The following ROCK2 variants were observed in gnomAD, a reference collection of about 807,000 sequenced individuals.
ROCK2 encodes rho-associated protein kinase 2.
In ROCK2, 61 loss-of-function variants were observed where a neutral mutation model predicts 195.1. The observed-to-expected ratio is 0.31, with a 90% CI of 0.25 to 0.39. The LOEUF (loss-of-function observed/expected upper bound fraction) is 0.39. Among genes scored for constraint, ROCK2 ranks in the 10% least tolerant of loss-of-function variants. ROCK2 has a pLI of 1.00. For missense variants in ROCK2, 1,109 were observed against 1,637.4 expected (o/e 0.68, Z 5.57); for synonymous variants, 504 against 545.5 (o/e 0.92, Z 1.06).
At chr2:11,317,612 A>ATATATATATATATT (rs59701503) in intron 1 of ROCK2, among the ~76,000 whole-genome samples, 8 of 19,300 alleles carry the variant, frequency 4.1e-4, no homozygotes, top group African/African-American at 1.1e-3. Context: ...ATATATATAT[A>ATATATATATATATT]TTTTTTTTTT....
intron 4 of ROCK2, among the ~76,000 whole-genome samples, chr2:11,237,774 G>A (rs1204687339): frequency 6.6e-6 from 1 of 152,174 alleles, no homozygotes; most frequent in Non-Finnish European, 1.5e-5. Context: ...CAAGAATATA[G>A]TTTGACAAAA....
chr2:11,286,489 C>A, intron 3 of ROCK2, 50 bp downstream of exon 3: 1 of 1,203,658 alleles, frequency 8.3e-7, no homozygotes, highest in Non-Finnish European at 1.2e-6. Context: ...GATAATGCTT[C>A]ACAAAACCAT....
chr2:11,345,427 G>A (rs1669275747), upstream of ROCK2, among the ~76,000 whole-genome samples: 1 of 152,196 alleles, frequency 6.6e-6, no homozygotes, highest in African/African-American at 2.4e-5. Context: ...GCTTAGATCC[G>A]CCCAGGGCGC....
intron 5 of ROCK2, among the ~76,000 whole-genome samples, chr2:11,233,157 T>A (rs1353041293): frequency 6.6e-6 from 1 of 152,152 alleles, no homozygotes; most frequent in East Asian, 1.9e-4. Context: ...CGGGCTACAG[T>A]GAGCTATGAT....
At chr2:11,184,784 T>C (rs1223515444) in intron 32 of ROCK2, 1 of 981,524 alleles carries the variant, frequency 1.0e-6, no homozygotes, top group African/African-American at 1.7e-5. Context: ...AATAGGAGGT[T>C]TGTAAATTTA....
chr2:11,339,714 A>G (rs1195358322), intron 1 of ROCK2, among the ~76,000 whole-genome samples: 4 of 152,202 alleles, frequency 2.6e-5, no homozygotes, highest in Non-Finnish European at 5.9e-5. Context: ...GACATTTTAT[A>G]AAGTTAAAAA....
At chr2:11,220,177 C>A (rs1664586284) in intron 9 of ROCK2, among the ~76,000 whole-genome samples, 1 of 152,124 alleles carries the variant, frequency 6.6e-6, no homozygotes. Flanking sequence ...GCCACCATGC[C>A]CAGCTAATTT....
chr2:11,280,326 A>G (rs558981330), intron 3 of ROCK2, among the ~76,000 whole-genome samples: 4 of 152,238 alleles, frequency 2.6e-5, no homozygotes, highest in Admixed American at 6.5e-5. Context: ...CACAGACATT[A>G]ATAAGGATAA....
intron 18 of ROCK2, 36 bp from the exon 19 acceptor site, chr2:11,208,483 CAAAT>C (rs5829297): frequency 0.47 from 593,047 of 1,274,440 alleles, 143,567 homozygotes; most frequent in Admixed American, 0.54. Context: ...CATAAATTTA[CAAAT>C]AAAAGAAGCA....
At chr2:11,203,931 C>CATTT (rs1663955507) in intron 20 of ROCK2, among the ~76,000 whole-genome samples, 1 of 152,078 alleles carries the variant, frequency 6.6e-6, no homozygotes, top group Non-Finnish European at 1.5e-5. Context: ...TGATATCTTT[C>CATTT]ATTTATATGT....
At chr2:11,226,916 A>G (rs1257544118) in intron 6 of ROCK2, among the ~76,000 whole-genome samples, 9 of 60,500 alleles carry the variant, frequency 1.5e-4, no homozygotes, top group Admixed American at 2.6e-4. Context: ...GCCTCAGAAA[A>G]AAAAAAAAAA....
chr2:11,293,003 GATT>G (rs1667408076), intron 1 of ROCK2, among the ~76,000 whole-genome samples: 1 of 152,126 alleles, frequency 6.6e-6, no homozygotes, highest in African/African-American at 2.4e-5. Context: ...TTTCTGTCAT[GATT>G]ATAAGTTTCC....
intron 17 of ROCK2, among the ~76,000 whole-genome samples, chr2:11,212,673 C>T (rs1355061400): frequency 6.6e-6 from 1 of 151,812 alleles, no homozygotes; most frequent in African/African-American, 2.4e-5. Flanking sequence ...ATGATAAAGG[C>T]TTTTTTCCAA....
intron 6 of ROCK2, among the ~76,000 whole-genome samples, chr2:11,226,914 A>G (rs1306897055): frequency 5.5e-4 from 6 of 10,972 alleles, no homozygotes; most frequent in South Asian, 9.8e-3. Context: ...CTGCCTCAGA[A>G]AAAAAAAAAA....
chr2:11,286,743 G>A (rs1667207355), intron 2 of ROCK2, 104 bp from the exon 3 acceptor site: 1 of 662,068 alleles, frequency 1.5e-6, no homozygotes, highest in South Asian at 2.5e-5. Flanking sequence ...ACAGTTTTTA[G>A]CTAAACTTGC....
In ROCK2 at chr2:11,219,012, G is replaced by A. The variant is rs189516597; in HGVS notation, c.1274C>T (p.Ser425Phe). ...YYRENLLLSD[S>F]PSCRETDSIQ... ...GGAATCAGTTTCTCTACAAGATGGA[G>A]AGTCACTTAATAATCTACATGGAAG... The change falls in exon 10 of 33, where the codon TCT (serine) becomes TTT (phenylalanine). Residue 425 changes from serine (S) to phenylalanine (F), a missense_variant. Physicochemically the swap from Ser to Phe is radical, Grantham distance 155. This residue lies in a region of ROCK2 where 542 missense variants were observed against 672.0 expected (regional missense o/e 0.81). Coordinates refer to ENST00000315872, the MANE Select transcript of ROCK2 (RefSeq NM_004850.5). 24 of 1,473,400 alleles carry A rather than the reference G, an allele frequency of 1.6e-5. 1 individual carries two copies. The highest frequency in any genetic ancestry group is 1.5e-4 in the African/African-American group (11 of 72,368). 91.3% of individuals were successfully genotyped at this position (1,473,400 alleles called of 1,614,324 possible). A position where few individuals can be genotyped will look rare whatever the true frequency, so the allele number is the denominator to read the frequency against.
Position 11,192,765 on chromosome 2 carries a change from G to A in ROCK2, c.3688-53C>T. ...ATTTCCAAACATGCTATTTTTTTAT[G>A]TAGGAACAATTCTGATAGTGTAAGT... On this transcript the variant is annotated intron_variant, in intron 30 of 32. Transcript: ENST00000315872. The surrounding 1 kb of genome is among the most constrained non-coding windows in gnomAD (Gnocchi z 5.0). 1 of 1,540,664 alleles carries A rather than the reference G, an allele frequency of 6.5e-7. No homozygotes were observed. Among genetic ancestry groups the A allele is most frequent in the Non-Finnish European group, 8.8e-7 (1 of 1,142,244 alleles).
intron 1 of ROCK2, among the ~76,000 whole-genome samples, chr2:11,309,529 A>C (rs888672285): frequency 2.8e-4 from 43 of 152,368 alleles, no homozygotes; most frequent in Middle Eastern, 3.4e-3. Context: ...ATAAAATTTG[A>C]ATTTCCAATA....
intron 4 of ROCK2, among the ~76,000 whole-genome samples, chr2:11,245,167 A>G (rs1665569683): frequency 6.6e-6 from 1 of 151,326 alleles, no homozygotes; most frequent in Admixed American, 6.6e-5. Flanking sequence ...TTCCTTATAC[A>G]TTAGCAATGA....
Sources: allele counts gnomAD v4.1 joint callset (sites outside exome capture counted in the v4.1 genomes callset), GRCh38; gene constraint gnomAD v4.1.1; regional missense constraint gnomAD v4.1.1; non-coding constraint Gnocchi (gnomAD v3.1); transcripts MANE v1.5; gene names NCBI Gene and HGNC (gene_info 2026-07-23, HGNC 2026-07-21).